The following MTX3 variants were observed in gnomAD, a reference collection of about 807,000 sequenced individuals.
MTX3 encodes metaxin 3, also known as metaxin-3.
In MTX3, 27 loss-of-function variants were observed where a neutral mutation model predicts 42.5. That is an observed-to-expected ratio of 0.64 (90% CI 0.47 to 0.88). MTX3 has a LOEUF of 0.88. Ranked by LOEUF, MTX3 falls within the 40% of genes least tolerant of loss-of-function variation. The pLI is 0.00. For synonymous variants in MTX3, 144 were observed against 132.9 expected, an observed-to-expected ratio of 1.08 and a Z score of -0.57; for missense variants, 378 against 367.0, an observed-to-expected ratio of 1.03 and a Z score of -0.25.
In MTX3 at chr5:79,986,951, T is replaced by C; in HGVS notation, c.738A>G (p.Gly246=). The change falls in exon 7 of 9, where the codon GGA becomes GGG. Residue 246 remains glycine (G), a splice_region_variant and synonymous_variant. Transcript: ENST00000512528. ...ILSSYFRLSL[G]GISPAGQETV... ...TTAGCTGAAAAAGAGCCAGCTTACC[T>C]CCAAGACTAAGCCTAAAATAACTGC... The C allele has an allele frequency of 6.2e-7, 1 of 1,613,312 alleles. No individual in the cohort carries two copies. The highest frequency in any genetic ancestry group is 8.5e-7 in the Non-Finnish European group (1 of 1,179,552).
intron 8 of MTX3, among the ~76,000 whole-genome samples, chr5:79,984,763 A>G (rs191783859): frequency 1.9e-3 from 292 of 152,176 alleles, no homozygotes; most frequent in African/African-American, 6.8e-3. Flanking sequence ...TCTCATGAAA[A>G]GAACACCCCA....
chr5:79,990,137 C>T, intron 3 of MTX3, 23 bp downstream of exon 3: 1 of 1,525,984 alleles, frequency 6.6e-7, no homozygotes, highest in Non-Finnish European at 9.0e-7. Context: ...TACCAATCTA[C>T]TTCTTCAAAG....
At position 79,983,464 on chromosome 5, in the gene MTX3, A is replaced by G; in HGVS notation, c.*220T>C. 5 of 456,326 alleles carry G rather than the reference A, an allele frequency of 1.1e-5. No homozygotes were observed. The highest frequency in any genetic ancestry group is 4.3e-5 in the East Asian group (1 of 23,460). 28.3% of individuals were successfully genotyped at this position (456,326 alleles called of 1,614,324 possible). A position where few individuals can be genotyped will look rare whatever the true frequency, so the allele number is the denominator to read the frequency against. Reference sequence around the variant, plus strand: ...TGTGTTTTTCTTCCCCGCCCCCCCAACCAAGTTCATTTAGCATTCTCTTTG... The same window carrying G: ...TGTGTTTTTCTTCCCCGCCCCCCCAGCCAAGTTCATTTAGCATTCTCTTTG... On this transcript the variant is annotated 3_prime_UTR_variant, in exon 9 of 9. Transcript: ENST00000512528.
Position 79,983,268 on chromosome 5 carries a change from C to A in MTX3, c.*416G>T, listed in dbSNP as rs1319886071. On this transcript the variant is annotated 3_prime_UTR_variant, in exon 9 of 9. Coordinates refer to ENST00000512528, the MANE Select transcript of MTX3 (RefSeq NM_001363818.2). ...GTAAAAAGCCTCAGCCAAAAAGCCA[C>A]ATATTAGGTATTCAGCCTGGTCTAA... 2 of 156,850 alleles carry A rather than the reference C, an allele frequency of 1.3e-5. No individual in the cohort carries two copies. Among genetic ancestry groups the A allele is most frequent in the Non-Finnish European group, 2.8e-5 (2 of 71,022 alleles). The allele number at this position is 156,850 out of a possible 1,614,324, so 9.7% of individuals were successfully genotyped here. A position where few individuals can be genotyped will look rare whatever the true frequency, so the allele number is the denominator to read the frequency against.
Position 79,983,848 on chromosome 5 carries a change from G to T in MTX3, c.829-54C>A, listed in dbSNP as rs1273314916. 1.2e-5 allele frequency: 14 copies of T among 1,185,828 alleles called. No individual in the cohort carries two copies. In the South Asian group the frequency reaches 1.3e-4, roughly 11 times the overall value. 73.5% of individuals were successfully genotyped at this position (1,185,828 alleles called of 1,614,324 possible). A position where few individuals can be genotyped will look rare whatever the true frequency, so the allele number is the denominator to read the frequency against. On this transcript the variant is annotated intron_variant, in intron 8 of 8. Transcript: ENST00000512528. ...CTAATGCTGTGGCACCGCTTATGTGGACTGTGGCCTCCCCATCCAAACTAT... is the reference window on the plus strand; with the variant it reads ...CTAATGCTGTGGCACCGCTTATGTGTACTGTGGCCTCCCCATCCAAACTAT...
rs577889602 is a variant in MTX3 at position 79,983,547 on chromosome 5, T to C, written c.*137A>G. 32 of 658,760 alleles carry C rather than the reference T, an allele frequency of 4.9e-5. No homozygotes were observed. The highest frequency in any genetic ancestry group is 1.1e-4 in the East Asian group (4 of 36,016). The allele number at this position is 658,760 out of a possible 1,614,324, so 40.8% of individuals were successfully genotyped here. On this transcript the variant is annotated 3_prime_UTR_variant, in exon 9 of 9. Transcript: ENST00000512528. ...AGCTTCCTAATAATAATAGTAAAAA[T>C]AGATGGCATAGAAAGTTCCTTTTGG...
chr5:79,985,691 C>T, intron 7 of MTX3, 32 bp from the exon 8 acceptor site: 1 of 1,532,556 alleles, frequency 6.5e-7, no homozygotes, highest in Non-Finnish European at 9.0e-7. Context: ...CAGAGAAAGA[C>T]AGGAAATTTT....
In MTX3 at chr5:79,991,192, A is replaced by G; in HGVS notation, c.47T>C (p.Leu16Pro). The part of the protein sequence containing the change: ...ELSCWGGGWG[L>P]PSVHSESLVV... ...CAGGGACTCGCTGTGAACCGATGGG[A>G]GTCCCCAGCCGCCTCCCCAGCAACT... Residue 16 changes from leucine (L) to proline (P), a missense_variant, in exon 1 of 9, where the codon CTC becomes CCC. Leu to Pro is a moderately conservative substitution (Grantham distance 98). Coordinates refer to ENST00000512528, the MANE Select transcript of MTX3 (RefSeq NM_001363818.2). 1 of 1,497,956 alleles carries G rather than the reference A, an allele frequency of 6.7e-7. No homozygotes were observed. The allele number at this position is 1,497,956 out of a possible 1,614,324, so 92.8% of individuals were successfully genotyped here. A position where few individuals can be genotyped will look rare whatever the true frequency, so the allele number is the denominator to read the frequency against.
chr5:79,983,528 CTAA>C lies in MTX3; in HGVS notation c.*153_*155del, dbSNP rs1262709793. On this transcript the variant is annotated 3_prime_UTR_variant, in exon 9 of 9. Transcript: ENST00000512528. ...AGTGCCAAGCTAGAATACAAGCTTCCTAATAATAATAGTAAAAATAGATGGCAT... is the reference window on the plus strand; with the variant it reads ...AGTGCCAAGCTAGAATACAAGCTTCCTAATAATAGTAAAAATAGATGGCAT... 2 of 613,988 alleles carry C rather than the reference CTAA, an allele frequency of 3.3e-6. No individual in the cohort carries two copies. The highest frequency in any genetic ancestry group is 5.8e-6 in the Non-Finnish European group (2 of 342,576). The allele number at this position is 613,988 out of a possible 1,614,324, so 38.0% of individuals were successfully genotyped here. A position where few individuals can be genotyped will look rare whatever the true frequency, so the allele number is the denominator to read the frequency against.
intron 1 of MTX3, 156 bp from the exon 2 acceptor site, chr5:79,990,819 G>A (rs896354247): frequency 1.8e-5 from 13 of 738,252 alleles, no homozygotes; most frequent in Non-Finnish European, 3.2e-5. Context: ...GCGGGCGCCA[G>A]CCACCCGGCT....
chr5:79,989,250 A>C lies in MTX3; in HGVS notation c.229-6T>G. 7 of 1,404,122 alleles carry C rather than the reference A, an allele frequency of 5.0e-6. No individual in the cohort carries two copies. The highest frequency in any genetic ancestry group is 6.8e-6 in the Non-Finnish European group (7 of 1,030,350). 87.0% of individuals were successfully genotyped at this position (1,404,122 alleles called of 1,614,324 possible). A position where few individuals can be genotyped will look rare whatever the true frequency, so the allele number is the denominator to read the frequency against. On this transcript the variant is annotated splice_polypyrimidine_tract_variant and splice_region_variant and intron_variant, in intron 3 of 8. Transcript: ENST00000512528. ...TCATAATCAGCATTATATTTCTATT[A>C]AAAAAAAATAAACCAAAGAAACTCA...
chr5:79,988,778 A>G, intron 4 of MTX3, 134 bp from the exon 5 acceptor site: 4 of 807,184 alleles, frequency 5.0e-6, no homozygotes, highest in Non-Finnish European at 7.6e-6. Flanking sequence ...AGAATGACTC[A>G]GGATAAAACA....
At chr5:79,987,595 AAAAT>A (rs1454707055) in intron 6 of MTX3, among the ~76,000 whole-genome samples, 1 of 152,144 alleles carries the variant, frequency 6.6e-6, no homozygotes, top group Non-Finnish European at 1.5e-5. Flanking sequence ...TCAGTTTACA[AAAAT>A]TATGCAACCA....
rs1831310595 is a variant in MTX3, at chr5:79,978,756, A to G, written c.*4928T>C. The G allele has an allele frequency of 6.6e-6, 1 of 152,442 alleles. No homozygotes were observed. The highest frequency in any genetic ancestry group is 2.1e-4 in the South Asian group (1 of 4,828). The allele number at this position is 152,442 out of a possible 1,614,324, so 9.4% of individuals were successfully genotyped here. ...CACTATTTCCCAAACTTACTTGGCC[A>G]CAGAACCCTCTATTCTCCTAACAAT... On this transcript the variant is annotated 3_prime_UTR_variant, in exon 9 of 9. Transcript: ENST00000512528.
At chr5:79,989,314 A>C in intron 3 of MTX3, 70 bp from the exon 4 acceptor site, 1 of 936,342 alleles carries the variant, frequency 1.1e-6, no homozygotes, top group South Asian at 1.6e-5. Flanking sequence ...AAACTAATCA[A>C]ATCAGGATTC....
chr5:79,988,444 G>T lies in MTX3; in HGVS notation c.504+18C>A. 6.2e-7 allele frequency: 1 copy of T among 1,601,048 alleles called. No homozygotes were observed. The highest frequency in any genetic ancestry group is 1.4e-5 in the African/African-American group (1 of 74,068). On this transcript the variant is annotated intron_variant, in intron 5 of 8. Coordinates refer to ENST00000512528, the MANE Select transcript of MTX3 (RefSeq NM_001363818.2). The stretch of plus-strand genomic sequence containing the variant: ...TTTCTCTCTAGGGCCCTTGCTTGAA[G>T]AATAATCCATACTATACCTGTGCTT...
In MTX3 at chr5:79,986,928, A is replaced by G. The variant is rs1325948547; in HGVS notation, c.739+22T>C. On this transcript the variant is annotated intron_variant, in intron 7 of 8. Transcript: ENST00000512528. The stretch of plus-strand genomic sequence containing the variant: ...ATAGGAGAATATGCAAACAAACATT[A>G]GCTGAAAAAGAGCCAGCTTACCTCC... The G allele has an allele frequency of 1.9e-6, 3 of 1,606,918 alleles. No individual in the cohort carries two copies. In the East Asian group the frequency reaches 6.7e-5, roughly 36 times the overall value.
intron 8 of MTX3, 103 bp downstream of exon 8, chr5:79,985,467 TA>T (rs1160350022): frequency 1.6e-5 from 12 of 748,030 alleles, no homozygotes; most frequent in Middle Eastern, 3.2e-4. Context: ...ACAAACTCTA[TA>T]AAAAAAACTA....
chr5:79,986,821 T>C (rs945416169), intron 7 of MTX3, 129 bp downstream of exon 7: 8 of 808,776 alleles, frequency 9.9e-6, no homozygotes, highest in Admixed American at 5.6e-5. Context: ...ACACAAATCC[T>C]TGAAGTGCTA....
Sources: gnomAD v4.1 joint callset for allele counts (sites outside exome capture counted in the v4.1 genomes callset) on GRCh38, gnomAD v4.1.1 for gene constraint, MANE v1.5 for transcripts, NCBI Gene and HGNC (gene_info 2026-07-23, HGNC 2026-07-21) for gene names.